Variants in MTUS1 observed in about 807,000 individuals in gnomAD.
The protein encoded by MTUS1 is microtubule associated scaffold protein 1.
Under a neutral mutation model 120.8 loss-of-function variants are expected in MTUS1, and 109 were observed. The observed-to-expected ratio is 0.90, with a 90% confidence interval of 0.77 to 1.06. The LOEUF is 1.06. MTUS1 is among the 50% of genes least tolerant of loss of function. MTUS1 has a pLI of 0.00. For missense variants in MTUS1, 2,210 were observed against 1,486.3 expected, an observed-to-expected ratio of 1.49 and a Z score of -8.01; for synonymous variants, 737 against 550.5, an observed-to-expected ratio of 1.34 and a Z score of -4.74.
chr8:17,797,767 A>G (rs2052362508), intron 1 of MTUS1, among the ~76,000 whole-genome samples: 1 of 152,178 alleles, frequency 6.6e-6, no homozygotes, highest in Non-Finnish European at 1.5e-5. Context: ...TGGCTCAAAT[A>G]TGGTCCTATC....
chr8:17,783,317 C>A (rs1355407533), intron 1 of MTUS1, among the ~76,000 whole-genome samples: 1 of 152,154 alleles, frequency 6.6e-6, no homozygotes, highest in East Asian at 1.9e-4. Flanking sequence ...TTTCCAAACA[C>A]TGCTAAAGGT....
intron 5 of MTUS1, among the ~76,000 whole-genome samples, chr8:17,713,634 C>A (rs1821763337): frequency 6.6e-6 from 1 of 152,176 alleles, no homozygotes; most frequent in South Asian, 2.1e-4. Context: ...GAAGGACAGT[C>A]ACTCCCGTGT....
intron 7 of MTUS1, among the ~76,000 whole-genome samples, chr8:17,680,464 CAAAAAAAAAAAAAAA>C (rs58490523): frequency 8.2e-5 from 2 of 24,322 alleles, no homozygotes; most frequent in East Asian, 1.6e-3. Flanking sequence ...GCCACTGTCG[CAAAAAAAAAAAAAAA>C]AAAAAAAAAA....
At position 17,753,956 on chromosome 8, in the gene MTUS1, C is replaced by T. The variant is rs1434405761; in HGVS notation, c.1852G>A (p.Ala618Thr). 1.9e-6 allele frequency: 3 copies of T among 1,614,136 alleles called. No individual in the cohort carries two copies. The highest frequency in any genetic ancestry group is 1.7e-5 in the Admixed American group (1 of 60,014). The part of the protein sequence containing the change: ...VKSNQEDVDK[A>T]SSSNSACETG... ...TCGCATGCTGAGTTAGAAGAACTGG[C>T]TTTGTCAACATCTTCCTGATTCGAT... The change falls in exon 2 of 15, where the codon GCC becomes ACC. Residue 618 changes from alanine to threonine, a missense_variant. Coordinates refer to ENST00000693296, the MANE Select transcript of MTUS1 (RefSeq NM_001363059.2).
chr8:17,701,378 A>T (rs1012625724), intron 6 of MTUS1, among the ~76,000 whole-genome samples: 6 of 152,208 alleles, frequency 3.9e-5, no homozygotes, highest in South Asian at 4.1e-4. Context: ...AACACAAAGC[A>T]ATTAGAAAAA....
At chr8:17,763,927 G>A (rs1212529097) in intron 1 of MTUS1, among the ~76,000 whole-genome samples, 2 of 152,164 alleles carry the variant, frequency 1.3e-5, no homozygotes, top group South Asian at 2.1e-4. Context: ...AGCAAGCCAA[G>A]TGTGGAAACG....
intron 7 of MTUS1, among the ~76,000 whole-genome samples, chr8:17,678,011 CATCT>C (rs1381132461): frequency 6.6e-6 from 1 of 152,052 alleles, no homozygotes; most frequent in Non-Finnish European, 1.5e-5. Flanking sequence ...TTCTTTTGGT[CATCT>C]ATCAAGGCAG....
Position 17,703,628 on chromosome 8 carries a change from CAAAA to C in MTUS1, c.2623+9582_2623+9585del, listed in dbSNP as rs140018758. On this transcript the variant is annotated intron_variant, in intron 6 of 14. Coordinates refer to ENST00000693296, the MANE Select transcript of MTUS1 (RefSeq NM_001363059.2). ...TGGGTGACAGAGCCAGACTCTGTCT[CAAAA>C]AAAAAAAAAAAAGGACTGAGAGAGA... Among the ~76,000 whole-genome samples the C allele has an allele frequency of 5.7e-3, 659 of 115,130 alleles. 12 individuals carry two copies. Among genetic ancestry groups the C allele is most frequent in the East Asian group, 0.046 (195 of 4,228 alleles). The allele number at this position is 115,130 out of a possible 152,430, so 75.5% of individuals were successfully genotyped here.
chr8:17,654,066 T>C (rs1023605813), intron 10 of MTUS1: 3 of 163,324 alleles, frequency 1.8e-5, no homozygotes, highest in Admixed American at 1.2e-4. Context: ...AAGATGCAAC[T>C]GGTTTAGTAG....
At chr8:17,694,121 C>G (rs2130854581) in intron 6 of MTUS1, among the ~76,000 whole-genome samples, 3 of 152,268 alleles carry the variant, frequency 2.0e-5, no homozygotes, top group Admixed American at 2.0e-4. Flanking sequence ...GAGACAGGGT[C>G]TCATTAACTC....
intron 8 of MTUS1, among the ~76,000 whole-genome samples, chr8:17,661,751 G>C (rs570897721): frequency 2.0e-5 from 3 of 152,266 alleles, no homozygotes; most frequent in South Asian, 2.1e-4. Flanking sequence ...TGGGGGAACA[G>C]GAGGTTCACT....
Position 17,755,704 on chromosome 8 carries a change from G to A in MTUS1, c.104C>T (p.Pro35Leu). The change falls in exon 2 of 15, where the codon CCT becomes CTT. Residue 35 changes from proline (P) to leucine (L), a missense_variant. Transcript: ENST00000693296. Reference protein sequence around the residue: ...NTHAYNPKSPPTQNSSASSVN... With the variant: ...NTHAYNPKSPLTQNSSASSVN... ...ACTGCTGGCTGAAGAGTTTTGTGTA[G>A]GTGGTGATTTCGGGTTGTATGCATG... 1 of 1,614,196 alleles carries A rather than the reference G, an allele frequency of 6.2e-7. No individual in the cohort carries two copies. Among genetic ancestry groups the A allele is most frequent in the Non-Finnish European group, 8.5e-7 (1 of 1,180,026 alleles).
At chr8:17,722,617 C>T (rs2131103879) in intron 4 of MTUS1, 1 of 970,752 alleles carries the variant, frequency 1.0e-6, no homozygotes, top group African/African-American at 1.8e-5. Context: ...CGGAAATGTG[C>T]TCATTAATTC....
At chr8:17,753,608 C>T (rs2048356798) in intron 2 of MTUS1, 109 bp downstream of exon 2, 2 of 718,396 alleles carry the variant, frequency 2.8e-6, no homozygotes, top group Non-Finnish European at 4.4e-6. Context: ...TGTAAATCTG[C>T]CCACCTGGTT....
chr8:17,712,759 C>T (rs73204294), intron 6 of MTUS1, among the ~76,000 whole-genome samples: 5,265 of 151,410 alleles, frequency 0.035, 115 homozygotes, highest in Non-Finnish European at 0.052. Flanking sequence ...GGATTCTCAG[C>T]TGTGGTTCAA....
intron 9 of MTUS1, chr8:17,654,980 A>G (rs1486398739): frequency 1.8e-5 from 5 of 280,084 alleles, no homozygotes; most frequent in East Asian, 7.0e-5. Flanking sequence ...TCACCGCTCA[A>G]CTCTCCTCTG....
rs1480140768 is a variant in MTUS1 at position 17,645,140 on chromosome 8, T to C, written c.*786A>G. 4 of 152,592 alleles carry C rather than the reference T, an allele frequency of 2.6e-5. No homozygotes were observed. The highest frequency in any genetic ancestry group is 9.7e-5 in the African/African-American group (4 of 41,436). 9.5% of individuals were successfully genotyped at this position (152,592 alleles called of 1,614,324 possible). ...CCTGAGAAAATGAATTACAGGATAG[T>C]GTTAGGCTCACATGGGTAAGTAAAA... is the stretch of plus-strand genomic sequence containing the variant. On this transcript the variant is annotated 3_prime_UTR_variant, in exon 15 of 15. Transcript: ENST00000693296.
At chr8:17,697,628 C>T (rs984240017) in intron 6 of MTUS1, 2 of 1,239,032 alleles carry the variant, frequency 1.6e-6, no homozygotes, top group Non-Finnish European at 2.0e-6. Flanking sequence ...TACAATCTCC[C>T]TCCTGCAGGT....
At chr8:17,789,350 T>C (rs565005258) in intron 1 of MTUS1, among the ~76,000 whole-genome samples, 2 of 152,266 alleles carry the variant, frequency 1.3e-5, no homozygotes, top group African/African-American at 2.4e-5. Context: ...TTTTAAATTA[T>C]ATGCAGTTAG....
Sources: gnomAD v4.1 joint callset for allele counts (sites outside exome capture counted in the v4.1 genomes callset) on GRCh38, gnomAD v4.1.1 for gene constraint, MANE v1.5 for transcripts, NCBI Gene and HGNC (gene_info 2026-07-23, HGNC 2026-07-21) for gene names.